The following CNTLN variants were observed in gnomAD, a reference collection of about 807,000 sequenced individuals.
The protein encoded by CNTLN is centlein, centrosomal protein.
A neutral mutation model predicts 180.0 loss-of-function variants in CNTLN; 212 were observed. The observed-to-expected ratio is 1.18, with a 90% CI of 1.05 to 1.32. The LOEUF (loss-of-function observed/expected upper bound fraction) is 1.32. Ranked by LOEUF, CNTLN falls within the 40% of genes most tolerant of loss-of-function variation. CNTLN has a pLI of 0.00. For missense variants in CNTLN, 2,095 were observed against 1,610.9 expected, an observed-to-expected ratio of 1.30 and a Z score of -5.14; for synonymous variants, 722 against 563.1, an observed-to-expected ratio of 1.28 and a Z score of -3.99.
At chr9:17,474,792 T>C (rs1832242418) in intron 23 of CNTLN, among the ~76,000 whole-genome samples, 3 of 150,548 alleles carry the variant, frequency 2.0e-5, no homozygotes, top group African/African-American at 7.3e-5. Context: ...TGCTTGAACC[T>C]GGGAGGCGGA....
At chr9:17,175,774 ATCT>A (rs1265889264) in intron 2 of CNTLN, among the ~76,000 whole-genome samples, 1 of 152,010 alleles carries the variant, frequency 6.6e-6, no homozygotes. Context: ...ATTTATTTAG[ATCT>A]TCTTTGATTG....
intron 5 of CNTLN, among the ~76,000 whole-genome samples, chr9:17,270,286 GTATTCC>G (rs1374520585): frequency 1.3e-5 from 2 of 151,996 alleles, no homozygotes; most frequent in African/African-American, 4.8e-5. Context: ...AAATTCTTCT[GTATTCC>G]TATTTTGTTG....
chr9:17,400,004 A>G (rs78604539), intron 15 of CNTLN, among the ~76,000 whole-genome samples: 2,960 of 152,264 alleles, frequency 0.019, 92 homozygotes, highest in African/African-American at 0.068. Flanking sequence ...AGGCTCCCTT[A>G]TCATGTAAAA....
intron 18 of CNTLN, among the ~76,000 whole-genome samples, chr9:17,453,083 G>A (rs535070866): frequency 5.3e-5 from 8 of 152,170 alleles, no homozygotes; most frequent in East Asian, 1.9e-4. Context: ...AGGCCGAGGC[G>A]GGAGGATTGC....
At chr9:17,240,136 AGTT>A (rs1825396915) in intron 5 of CNTLN, among the ~76,000 whole-genome samples, 4 of 151,924 alleles carry the variant, frequency 2.6e-5, no homozygotes, top group South Asian at 2.1e-4. Context: ...CAATTTTTTC[AGTT>A]GTTTTGTAGC....
chr9:17,268,796 G>A (rs562370212), intron 5 of CNTLN, among the ~76,000 whole-genome samples: 3 of 151,786 alleles, frequency 2.0e-5, no homozygotes, highest in Non-Finnish European at 4.4e-5. Context: ...TCAGACTGCT[G>A]TGCTAGCAAT....
chr9:17,480,244 T>C (rs190441567), intron 23 of CNTLN, among the ~76,000 whole-genome samples: 1 of 152,002 alleles, frequency 6.6e-6, no homozygotes, highest in Non-Finnish European at 1.5e-5. Context: ...TTACAAGTCA[T>C]GCTCTTCCCC....
At chr9:17,338,169 CT>C (rs564887958) in intron 10 of CNTLN, among the ~76,000 whole-genome samples, 18 of 138,324 alleles carry the variant, frequency 1.3e-4, no homozygotes, top group Admixed American at 3.6e-4. Context: ...CTTTTTCTTT[CT>C]TTTTTTTTTG....
chr9:17,524,018 A>C, the CNTLN span, among the ~76,000 whole-genome samples: 1 of 151,964 alleles, frequency 6.6e-6, no homozygotes, highest in Admixed American at 6.6e-5. Flanking sequence ...AAATGTGTGA[A>C]ATGTTTTCTA....
At chr9:17,215,212 G>C (rs1010860127) in intron 2 of CNTLN, among the ~76,000 whole-genome samples, 1 of 152,230 alleles carries the variant, frequency 6.6e-6, no homozygotes, top group African/African-American at 2.4e-5. Context: ...TGATGATGGT[G>C]ACGTACAGAT....
chr9:17,385,106 T>G (rs1825587073), intron 13 of CNTLN, among the ~76,000 whole-genome samples: 1 of 152,206 alleles, frequency 6.6e-6, no homozygotes, highest in Non-Finnish European at 1.5e-5. Context: ...GCTTGTTTAT[T>G]ATAAAGGATA....
intron 2 of CNTLN, among the ~76,000 whole-genome samples, chr9:17,193,695 G>A (rs1821937304): frequency 6.6e-6 from 1 of 152,170 alleles, no homozygotes; most frequent in African/African-American, 2.4e-5. Flanking sequence ...GCTGTTGGTA[G>A]ATTACCATTC....
chr9:17,499,752 C>G (rs898790289), intron 25 of CNTLN, among the ~76,000 whole-genome samples: 1 of 151,940 alleles, frequency 6.6e-6, no homozygotes, highest in African/African-American at 2.4e-5. Flanking sequence ...ACTATTTTGT[C>G]ATATTTTCTG....
chr9:17,493,052 G>T (rs959878794), intron 25 of CNTLN, among the ~76,000 whole-genome samples: 1 of 152,204 alleles, frequency 6.6e-6, no homozygotes, highest in African/African-American at 2.4e-5. Flanking sequence ...AAGTAGAATG[G>T]TGGTTGTCAA....
At chr9:17,185,029 G>A (rs1821345479) in intron 2 of CNTLN, among the ~76,000 whole-genome samples, 1 of 152,164 alleles carries the variant, frequency 6.6e-6, no homozygotes, top group Non-Finnish European at 1.5e-5. Context: ...TACTCTTGAA[G>A]TCTGAATAGA....
chr9:17,325,720 G>A (rs545955059), intron 8 of CNTLN, among the ~76,000 whole-genome samples: 1 of 151,768 alleles, frequency 6.6e-6, no homozygotes, highest in Non-Finnish European at 1.5e-5. Context: ...TTTGGAATTC[G>A]TAAATTTCTT....
At chr9:17,399,609 T>C (rs913480064) in intron 15 of CNTLN, among the ~76,000 whole-genome samples, 39 of 152,226 alleles carry the variant, frequency 2.6e-4, no homozygotes, top group African/African-American at 8.9e-4. Flanking sequence ...CCTTCCATTT[T>C]ATAAAGCAGC....
chr9:17,148,197 T>C (rs965011427), intron 2 of CNTLN, among the ~76,000 whole-genome samples: 1 of 152,208 alleles, frequency 6.6e-6, no homozygotes, highest in African/African-American at 2.4e-5. Flanking sequence ...CTTCTACCAC[T>C]AATGGATTTT....
intron 6 of CNTLN, among the ~76,000 whole-genome samples, chr9:17,288,101 G>A (rs1020793904): frequency 3.0e-5 from 4 of 131,954 alleles, no homozygotes; most frequent in African/African-American, 1.3e-4. Flanking sequence ...TGTGATGTTA[G>A]GGTGTCAATT....
Sources: allele counts gnomAD v4.1 joint callset (sites outside exome capture counted in the v4.1 genomes callset), GRCh38; gene constraint gnomAD v4.1.1; transcripts MANE v1.5; gene names NCBI Gene and HGNC (gene_info 2026-07-23, HGNC 2026-07-21).